CCT6B: variants seen among roughly 807,000 people sequenced by gnomAD.
CCT6B encodes probable T-complex protein 1 subunit zeta-2.
A neutral mutation model predicts 61.5 loss-of-function variants in CCT6B; 49 were observed. That is an observed-to-expected ratio of 0.80 (90% CI 0.63 to 1.01). CCT6B has a LOEUF of 1.01. Among genes scored for constraint, CCT6B ranks in the 50% least tolerant of loss-of-function variants. The pLI, the probability that CCT6B is intolerant of heterozygous loss-of-function variation, is 0.00. For missense variants in CCT6B, 666 were observed against 634.7 expected (o/e 1.05, Z -0.53); for synonymous variants, 228 against 214.5 (o/e 1.06, Z -0.55).
intron 3 of CCT6B, among the ~76,000 whole-genome samples, chr17:34,955,166 T>C (rs2090334296): frequency 6.6e-6 from 1 of 152,166 alleles, no homozygotes; most frequent in Admixed American, 6.5e-5. Flanking sequence ...AGCAATATCA[T>C]GAAGCATAAA....
Position 34,958,708 on chromosome 17 carries a change from G to C in CCT6B, c.202-14C>G. On this transcript the variant is annotated splice_polypyrimidine_tract_variant and intron_variant, in intron 2 of 13. Coordinates refer to ENST00000314144, the MANE Select transcript of CCT6B (RefSeq NM_006584.4). ...ATGTTGAATTTGCTGGAAAAAGCAA[G>C]CAACAGATTTAAAAAGACAGGATGA... The C allele has an allele frequency of 3.2e-6, 5 of 1,583,966 alleles. No homozygotes were observed. Among genetic ancestry groups the C allele is most frequent in the Non-Finnish European group, 3.4e-6 (4 of 1,165,840 alleles).
intron 10 of CCT6B, among the ~76,000 whole-genome samples, chr17:34,934,518 A>G (rs2090073307): frequency 6.6e-6 from 1 of 152,220 alleles, no homozygotes; most frequent in South Asian, 2.1e-4. Flanking sequence ...CAGGCAGCAA[A>G]TCAGATTTAG....
chr17:34,956,905 G>A (rs1411589029), intron 3 of CCT6B, among the ~76,000 whole-genome samples: 1 of 152,018 alleles, frequency 6.6e-6, no homozygotes, highest in Non-Finnish European at 1.5e-5. Flanking sequence ...CACCTCCTGG[G>A]TTCAGGCAAT....
rs1458359741 is a variant in CCT6B at position 34,961,152 on chromosome 17, A to G, written c.137+105T>C. 4.4e-6 allele frequency: 6 copies of G among 1,369,776 alleles called. No homozygotes were observed. The Admixed American group carries it at 1.2e-4, about 27-fold the overall frequency. 84.9% of individuals were successfully genotyped at this position (1,369,776 alleles called of 1,614,324 possible). ...GCAGGGATGAGAATGAGGGAAATCA[A>G]GCTCGCAAGAACATCCACAGCGCTA... On this transcript the variant is annotated intron_variant, in intron 1 of 13. Transcript: ENST00000314144.
At position 34,942,634 on chromosome 17, in the gene CCT6B, G is replaced by C; in HGVS notation, c.735C>G (p.Asn245Lys). The C allele has an allele frequency of 2.5e-6, 4 of 1,583,134 alleles. No homozygotes were observed. The highest frequency in any genetic ancestry group is 3.4e-6 in the Non-Finnish European group (4 of 1,170,890). ...CTGCAGTCTTATAAAAGAAACCAGA[G>C]TTCACCTCTCTAAAAGATTAATAAA... ...VSLEYEKTEV[N>K]SGFFYKTAEE... The change falls in exon 7 of 14, where the codon AAC (asparagine) becomes AAG (lysine). Residue 245 changes from asparagine to lysine, a missense_variant. Physicochemically the swap from Asn to Lys is moderately conservative, Grantham distance 94. Coordinates refer to ENST00000314144, the MANE Select transcript of CCT6B (RefSeq NM_006584.4).
At chr17:34,956,497 T>C (rs1044717089) in intron 3 of CCT6B, among the ~76,000 whole-genome samples, 58 of 152,290 alleles carry the variant, frequency 3.8e-4, no homozygotes, top group African/African-American at 1.2e-3. Context: ...CAGAGTTTCA[T>C]AATGTCTGTT....
At chr17:34,961,179 G>C (rs199703935) in intron 1 of CCT6B, 78 bp downstream of exon 1, 164 of 1,498,188 alleles carry the variant, frequency 1.1e-4, no homozygotes, top group Middle Eastern at 9.9e-4. Flanking sequence ...ACAGCGCTAC[G>C]CGGACGCCTG....
At chr17:34,960,531 T>C (rs1433062424) in intron 1 of CCT6B, among the ~76,000 whole-genome samples, 1 of 152,230 alleles carries the variant, frequency 6.6e-6, no homozygotes, top group Non-Finnish European at 1.5e-5. Context: ...AGCATAATTA[T>C]ATGCATCTAT....
At chr17:34,928,231 T>A in intron 13 of CCT6B, 114 bp from the exon 14 acceptor site, 1 of 579,328 alleles carries the variant, frequency 1.7e-6, no homozygotes, top group Non-Finnish European at 3.1e-6. Context: ...TAGTATGATG[T>A]TTTATGAGAC....
Position 34,959,653 on chromosome 17 carries a change from G to A in CCT6B, c.138-3C>T. 1 of 1,602,748 alleles carries A rather than the reference G, an allele frequency of 6.2e-7. No individual in the cohort carries two copies. Among genetic ancestry groups the A allele is most frequent in the Non-Finnish European group, 8.5e-7 (1 of 1,169,806 alleles). ...TGTCACCTGCACCAGAAACAAGCCT[G>A]TTCAGAGAAGAATGATATTAACTTC... On this transcript the variant is annotated splice_region_variant and splice_polypyrimidine_tract_variant and intron_variant, in intron 1 of 13. Coordinates refer to ENST00000314144, the MANE Select transcript of CCT6B (RefSeq NM_006584.4).
chr17:34,939,514 G>C lies in CCT6B; in HGVS notation c.1065+103C>G, dbSNP rs139262312. 879 of 878,674 alleles carry C rather than the reference G, an allele frequency of 1.0e-3. 12 individuals carry two copies. The African/African-American group carries it at 0.013, about 13-fold the overall frequency. 54.4% of individuals were successfully genotyped at this position (878,674 alleles called of 1,614,324 possible). A position where few individuals can be genotyped will look rare whatever the true frequency, so the allele number is the denominator to read the frequency against. On this transcript the variant is annotated intron_variant, in intron 9 of 13. Coordinates refer to ENST00000314144, the MANE Select transcript of CCT6B (RefSeq NM_006584.4). Reference sequence around the variant, plus strand: ...ACTGTAAAATCTGTTCTGTGAATTAGATCTCAAAACACAAAACATGAAATA... The same window carrying C: ...ACTGTAAAATCTGTTCTGTGAATTACATCTCAAAACACAAAACATGAAATA...
intron 13 of CCT6B, 66 bp downstream of exon 13, chr17:34,928,896 A>C: frequency 1.1e-6 from 1 of 946,320 alleles, no homozygotes; most frequent in South Asian, 1.5e-5. Flanking sequence ...TAATAGAAAA[A>C]ATTTCATCTT....
At chr17:34,942,457 A>G (rs773955354) in intron 7 of CCT6B, 27 bp downstream of exon 7, 2 of 1,558,976 alleles carry the variant, frequency 1.3e-6, no homozygotes, top group Non-Finnish European at 1.7e-6. Flanking sequence ...ATTTACAAAT[A>G]ACTAAAATCT....
At chr17:34,960,434 C>T (rs1208516182) in intron 1 of CCT6B, among the ~76,000 whole-genome samples, 1 of 152,194 alleles carries the variant, frequency 6.6e-6, no homozygotes, top group Non-Finnish European at 1.5e-5. Flanking sequence ...ACTCCCTCTT[C>T]CAACTAGTGA....
rs763738546 is a variant in CCT6B at position 34,961,376 on chromosome 17, G to A, written c.18C>T (p.Ala6=). 2.5e-6 allele frequency: 4 copies of A among 1,609,704 alleles called. No individual in the cohort carries two copies. Among genetic ancestry groups the A allele is most frequent in the African/African-American group, 1.3e-5 (1 of 74,754 alleles). Residue 6 remains alanine, a synonymous_variant, in exon 1 of 14, where the codon GCC becomes GCT. Transcript: ENST00000314144. MAAIK[A]VNSKAEVARA... The stretch of plus-strand genomic sequence containing the variant: ...GCGCCACCTCAGCCTTGGAGTTGAC[G>A]GCCTTTATCGCAGCCATAGCCTAAC...
At chr17:34,928,269 G>A in intron 13 of CCT6B, 152 bp from the exon 14 acceptor site, 3 of 465,354 alleles carry the variant, frequency 6.4e-6, no homozygotes, top group South Asian at 9.6e-5. Context: ...AAATACAAAT[G>A]TCACCTTTTT....
At chr17:34,941,964 G>A (rs2090168743) in intron 7 of CCT6B, among the ~76,000 whole-genome samples, 1 of 151,972 alleles carries the variant, frequency 6.6e-6, no homozygotes. Context: ...CTTGGGCCCA[G>A]GAGGTCAACG....
chr17:34,950,163 T>C (rs1242640266), intron 5 of CCT6B, among the ~76,000 whole-genome samples: 3 of 152,208 alleles, frequency 2.0e-5, no homozygotes, highest in Admixed American at 2.0e-4. Context: ...TATTTTAAAC[T>C]GAATAAAAAT....
chr17:34,956,687 A>T (rs1450787925), intron 3 of CCT6B, among the ~76,000 whole-genome samples: 1 of 152,142 alleles, frequency 6.6e-6, no homozygotes, highest in African/African-American at 2.4e-5. Context: ...ACATAATACT[A>T]AAGTTGGCCC....
Sources: allele counts gnomAD v4.1 joint callset (sites outside exome capture counted in the v4.1 genomes callset), GRCh38; gene constraint gnomAD v4.1.1; transcripts MANE v1.5; gene names NCBI Gene and HGNC (gene_info 2026-07-23, HGNC 2026-07-21).